The following DOCK2 variants were observed in gnomAD, a reference collection of about 807,000 sequenced individuals.
DOCK2 encodes the protein dedicator of cytokinesis protein 2.
Under a neutral mutation model 248.9 loss-of-function variants are expected in DOCK2, and 87 were observed. The observed-to-expected ratio is 0.35, with a 90% CI of 0.29 to 0.42. The LOEUF (loss-of-function observed/expected upper bound fraction) is 0.42. DOCK2 is among the 10% of genes least tolerant of loss of function. DOCK2 has a pLI of 1.00. For synonymous variants in DOCK2, 805 were observed against 821.6 expected, an observed-to-expected ratio of 0.98 and a Z score of 0.35; for missense variants, 1,747 against 2,300.2, an observed-to-expected ratio of 0.76 and a Z score of 4.92.
intron 27 of DOCK2, among the ~76,000 whole-genome samples, chr5:169,867,567 T>G (rs1055471008): frequency 6.6e-6 from 1 of 152,142 alleles, no homozygotes. Context: ...GTATCTATTA[T>G]CTATCATCTA....
At chr5:169,685,126 A>C (rs1038506482) in intron 8 of DOCK2, among the ~76,000 whole-genome samples, 2 of 152,216 alleles carry the variant, frequency 1.3e-5, no homozygotes, top group Non-Finnish European at 2.9e-5. Flanking sequence ...TCCCATCTGC[A>C]TAATGCGAGT....
At chr5:169,975,061 C>T (rs17071936) in intron 27 of DOCK2, among the ~76,000 whole-genome samples, 12,844 of 152,124 alleles carry the variant, frequency 0.084, 874 homozygotes, top group African/African-American at 0.19. Flanking sequence ...GCCCACTGGA[C>T]TCAAAGATAA....
chr5:169,818,124 A>T (rs1363177820), intron 26 of DOCK2, among the ~76,000 whole-genome samples: 1 of 152,170 alleles, frequency 6.6e-6, no homozygotes, highest in Non-Finnish European at 1.5e-5. Flanking sequence ...CTACGTGAAC[A>T]TGCGTAACCC....
At chr5:170,060,231 A>T (rs763168583) in intron 44 of DOCK2, among the ~76,000 whole-genome samples, 10 of 152,302 alleles carry the variant, frequency 6.6e-5, no homozygotes, top group Non-Finnish European at 8.8e-5. Flanking sequence ...TCCAAATTCA[A>T]CGTGGTCACT....
At chr5:169,698,765 T>G (rs186259702) in intron 11 of DOCK2, among the ~76,000 whole-genome samples, 1 of 152,346 alleles carries the variant, frequency 6.6e-6, no homozygotes, top group African/African-American at 2.4e-5. Flanking sequence ...ATAGTATAGA[T>G]GGGGAATTAA....
intron 49 of DOCK2, chr5:170,079,408 T>C (rs775742521): frequency 5.0e-6 from 2 of 403,544 alleles, no homozygotes; most frequent in Non-Finnish European, 9.3e-6. Flanking sequence ...CTTTCCACCA[T>C]CACACAGGGC....
intron 43 of DOCK2, 99 bp from the exon 44 acceptor site, chr5:170,057,481 G>T: frequency 2.0e-6 from 2 of 1,002,700 alleles, no homozygotes; most frequent in Non-Finnish European, 3.1e-6. Flanking sequence ...TGGGAGGCCC[G>T]GGGACCTGGC....
intron 29 of DOCK2, among the ~76,000 whole-genome samples, chr5:169,992,407 A>C (rs1245593803): frequency 1.3e-5 from 2 of 152,232 alleles, no homozygotes; most frequent in Non-Finnish European, 2.9e-5. Context: ...AGAGTAATAG[A>C]GTTGAGTGTG....
chr5:169,981,651 C>G (rs1777940155), intron 27 of DOCK2, among the ~76,000 whole-genome samples: 2 of 152,022 alleles, frequency 1.3e-5, no homozygotes, highest in East Asian at 3.9e-4. Flanking sequence ...ATTGCCACAG[C>G]CACTCTAGTC....
At chr5:169,715,137 C>G (rs1278376372) in intron 19 of DOCK2, among the ~76,000 whole-genome samples, 1 of 152,058 alleles carries the variant, frequency 6.6e-6, no homozygotes, top group Admixed American at 6.5e-5. Flanking sequence ...AAGCAGAAAA[C>G]AATGCAAATG....
chr5:169,811,463 T>G (rs577008600), intron 26 of DOCK2, among the ~76,000 whole-genome samples: 1 of 152,340 alleles, frequency 6.6e-6, no homozygotes, highest in East Asian at 1.9e-4. Context: ...TTGTCTATGG[T>G]GCATGCCAGA....
rs114458632 is a variant in DOCK2, at chr5:169,862,219, G to T, written c.2799+21367G>T. The stretch of plus-strand genomic sequence containing the variant: ...TATGTTCTTATCTGTATTCAAGAAT[G>T]GACAAACAGGCCGGGAAATTTAAGC... On this transcript the variant is annotated intron_variant, in intron 27 of 51. Transcript: ENST00000520908. Among the ~76,000 whole-genome samples, 256 of 152,334 alleles carry T rather than the reference G, an allele frequency of 1.7e-3. 1 individual carries two copies. The highest frequency in any genetic ancestry group is 5.6e-3 in the African/African-American group (233 of 41,572).
At chr5:169,662,941 C>T (rs1758526920) in intron 2 of DOCK2, among the ~76,000 whole-genome samples, 1 of 152,186 alleles carries the variant, frequency 6.6e-6, no homozygotes, top group Non-Finnish European at 1.5e-5. Context: ...TAACTCACTC[C>T]AGCATTAACT....
chr5:169,822,032 A>G (rs1270110409), intron 26 of DOCK2, among the ~76,000 whole-genome samples: 2 of 152,244 alleles, frequency 1.3e-5, no homozygotes, highest in African/African-American at 2.4e-5. Context: ...AAGCCATTAC[A>G]TAATGGTAAA....
chr5:169,785,491 A>G (rs1329882953), intron 25 of DOCK2, among the ~76,000 whole-genome samples: 1 of 152,240 alleles, frequency 6.6e-6, no homozygotes, highest in African/African-American at 2.4e-5. Context: ...AAAGTTATTC[A>G]TTAAAATGGA....
intron 44 of DOCK2, among the ~76,000 whole-genome samples, 167 bp downstream of exon 44, chr5:170,057,833 AT>A (rs200335646): frequency 0.23 from 33,278 of 146,392 alleles, 3,839 homozygotes; most frequent in African/African-American, 0.29. Flanking sequence ...TGCCTTTCAG[AT>A]TTTTTTTTTT....
At chr5:169,792,592 G>A (rs903085440) in intron 25 of DOCK2, among the ~76,000 whole-genome samples, 1 of 152,030 alleles carries the variant, frequency 6.6e-6, no homozygotes, top group Non-Finnish European at 1.5e-5. Context: ...GACTGCAGGT[G>A]CATGCCCAGC....
At chr5:169,829,411 G>A (rs1230050505) in intron 26 of DOCK2, among the ~76,000 whole-genome samples, 2 of 152,190 alleles carry the variant, frequency 1.3e-5, no homozygotes, top group Non-Finnish European at 2.9e-5. Context: ...AGCCCATGCA[G>A]TAATACTGAA....
At chr5:169,843,666 G>A (rs1232186522) in intron 27 of DOCK2, among the ~76,000 whole-genome samples, 1 of 152,190 alleles carries the variant, frequency 6.6e-6, no homozygotes, top group African/African-American at 2.4e-5. Flanking sequence ...TCAGTTTAGA[G>A]TATTTCTTTT....
Sources: gnomAD v4.1 joint callset for allele counts (sites outside exome capture counted in the v4.1 genomes callset) on GRCh38, gnomAD v4.1.1 for gene constraint, MANE v1.5 for transcripts, NCBI Gene and HGNC (gene_info 2026-07-23, HGNC 2026-07-21) for gene names.